Variants in RNPC3 observed in about 807,000 individuals in gnomAD.
RNPC3 encodes the protein RNA binding region (RNP1, RRM) containing 3, also known as RNA-binding region-containing protein 3.
A neutral mutation model predicts 67.5 loss-of-function variants in RNPC3; 48 were observed. The observed-to-expected ratio is 0.71, with a 90% CI of 0.56 to 0.90. RNPC3 has a LOEUF of 0.90. Among genes scored for constraint, RNPC3 ranks in the 40% least tolerant of loss-of-function variants. The pLI is 0.00. For missense variants in RNPC3, 637 were observed against 626.1 expected (o/e 1.02, Z -0.19); for synonymous variants, 239 against 210.3 (o/e 1.14, Z -1.18).
At chr1:103,539,080 C>T (rs1000976450) in intron 7 of RNPC3, among the ~76,000 whole-genome samples, 1 of 152,186 alleles carries the variant, frequency 6.6e-6, no homozygotes, top group African/African-American at 2.4e-5. Context: ...CTTATTCCAA[C>T]TAGACTTTAA....
intron 2 of RNPC3, among the ~76,000 whole-genome samples, chr1:103,533,371 A>G (rs1650907547): frequency 6.6e-6 from 1 of 152,022 alleles, no homozygotes; most frequent in Non-Finnish European, 1.5e-5. Flanking sequence ...GAAAAAATAG[A>G]CTAAGATTGT....
At position 103,545,039 on chromosome 1, in the gene RNPC3, G is replaced by C; in HGVS notation, c.1144G>C (p.Asp382His). ...DITEEIKEDS[D>H]EMPSECISRR... ...CACAGAGGAGATTAAAGAAGACTCT[G>C]ATGAAATGCCTTCAGAATGTATTTC... Residue 382 changes from aspartate to histidine, a missense_variant, in exon 10 of 15, where the codon GAT becomes CAT. By Grantham distance (81) the Asp-to-His change is moderately conservative. Around this residue, in one of 3 missense-constraint regions of RNPC3, gnomAD observed 536 missense variants for 500.3 expected, o/e 1.07. Coordinates refer to ENST00000423855, the MANE Select transcript of RNPC3 (RefSeq NM_017619.4). 1 of 1,534,514 alleles carries C rather than the reference G, an allele frequency of 6.5e-7. No individual in the cohort carries two copies. The highest frequency in any genetic ancestry group is 8.7e-7 in the Non-Finnish European group (1 of 1,145,328).
At chr1:103,543,474 GC>G in intron 9 of RNPC3, 27 bp downstream of exon 9, 1 of 1,390,000 alleles carries the variant, frequency 7.2e-7, no homozygotes, top group Non-Finnish European at 9.4e-7. Flanking sequence ...TATTTCACAT[GC>G]TGAAATCAAC....
chr1:103,526,129 T>A lies in RNPC3; in HGVS notation c.59T>A (p.Leu20His), dbSNP rs1347233523. Residue 20 changes from leucine to histidine, a missense_variant, in exon 1 of 15, where the codon CTT (leucine) becomes CAT (histidine). Leu to His is a moderately conservative substitution (Grantham distance 99). Transcript: ENST00000423855. Reference sequence around the variant, plus strand: ...AGGGGATGCACGAGCTCCTCCTCGCTTTCCCCGCCTCGGGGCGACCGAACC... The same window carrying A: ...AGGGGATGCACGAGCTCCTCCTCGCATTCCCCGCCTCGGGGCGACCGAACC... ...ISRGCTSSSS[L>H]SPPRGDRTLL... 7 of 1,551,230 alleles carry A rather than the reference T, an allele frequency of 4.5e-6. No homozygotes were observed. The highest frequency in any genetic ancestry group is 4.4e-6 in the Non-Finnish European group (5 of 1,146,722).
intron 2 of RNPC3, 107 bp downstream of exon 2, chr1:103,527,849 C>G (rs2101040959): frequency 1.4e-6 from 1 of 733,412 alleles, no homozygotes; most frequent in East Asian, 2.8e-5. Flanking sequence ...CGTTTGTATT[C>G]CAACAGTTTC....
At chr1:103,529,331 G>A (rs547269647) in intron 2 of RNPC3, among the ~76,000 whole-genome samples, 6 of 152,094 alleles carry the variant, frequency 3.9e-5, no homozygotes, top group East Asian at 1.9e-4. Context: ...AATGAAAAAC[G>A]CATTGTTTTA....
chr1:103,529,325 A>G (rs2101041707), intron 2 of RNPC3, among the ~76,000 whole-genome samples: 1 of 152,298 alleles, frequency 6.6e-6, no homozygotes, highest in Admixed American at 6.5e-5. Flanking sequence ...TATGGTAATG[A>G]AAAACGCATT....
intron 2 of RNPC3, among the ~76,000 whole-genome samples, chr1:103,528,979 A>G (rs904917043): frequency 5.3e-5 from 8 of 152,218 alleles, no homozygotes; most frequent in Admixed American, 2.6e-4. Flanking sequence ...CTTAAATCAC[A>G]TTATATCCAT....
chr1:103,531,939 T>G (rs922476706), intron 2 of RNPC3, among the ~76,000 whole-genome samples: 4 of 152,208 alleles, frequency 2.6e-5, no homozygotes, highest in Admixed American at 6.5e-5. Flanking sequence ...TGATGTTATC[T>G]TCTAGAATTT....
At position 103,546,964 on chromosome 1, in the gene RNPC3, A is replaced by T; in HGVS notation, c.1303-13A>T. 7.4e-7 allele frequency: 1 copy of T among 1,345,500 alleles called. No homozygotes were observed. The highest frequency in any genetic ancestry group is 1.0e-6 in the Non-Finnish European group (1 of 991,222). 83.3% of individuals were successfully genotyped at this position (1,345,500 alleles called of 1,614,324 possible). A position where few individuals can be genotyped will look rare whatever the true frequency, so the allele number is the denominator to read the frequency against. On this transcript the variant is annotated splice_polypyrimidine_tract_variant and intron_variant, in intron 11 of 14. Transcript: ENST00000423855. ...TGGCTTTGTTATTTGTCTTTTTCTTATTGAAATTCTAGGACCTTAAATATA... is the reference window on the plus strand; with the variant it reads ...TGGCTTTGTTATTTGTCTTTTTCTTTTTGAAATTCTAGGACCTTAAATATA...
At chr1:103,537,852 A>T (rs1052304984) in intron 7 of RNPC3, among the ~76,000 whole-genome samples, 1 of 151,768 alleles carries the variant, frequency 6.6e-6, no homozygotes, top group African/African-American at 2.4e-5. Context: ...TATTATTATT[A>T]TTATTTTTGA....
At chr1:103,545,504 A>T (rs1245611098) in intron 10 of RNPC3, 1 of 155,414 alleles carries the variant, frequency 6.4e-6, no homozygotes, top group East Asian at 1.9e-4. Flanking sequence ...TGATTTTAGG[A>T]TTTTATATCC....
intron 9 of RNPC3, 46 bp downstream of exon 9, chr1:103,543,493 GT>G: frequency 7.8e-7 from 1 of 1,283,404 alleles, no homozygotes; most frequent in Non-Finnish European, 1.0e-6. Flanking sequence ...AACTTATTGT[GT>G]TAGAATTAAG....
chr1:103,546,230 T>C lies in RNPC3; in HGVS notation c.1208-18T>C, dbSNP rs1651240799. On this transcript the variant is annotated intron_variant, in intron 10 of 14. Transcript: ENST00000423855. ...AAATATTTTAATTTTATATCTTTGTTTTTTGTTTTTTAATAAGAAATGGAA... is the reference window on the plus strand; with the variant it reads ...AAATATTTTAATTTTATATCTTTGTCTTTTGTTTTTTAATAAGAAATGGAA... 3 of 1,185,554 alleles carry C rather than the reference T, an allele frequency of 2.5e-6. No individual in the cohort carries two copies. The African/African-American group carries it at 4.8e-5, about 19-fold the overall frequency. The allele number at this position is 1,185,554 out of a possible 1,614,324, so 73.4% of individuals were successfully genotyped here. A position where few individuals can be genotyped will look rare whatever the true frequency, so the allele number is the denominator to read the frequency against.
At chr1:103,551,192 A>C (rs1651380014) in intron 13 of RNPC3, 119 bp downstream of exon 13, 2 of 799,924 alleles carry the variant, frequency 2.5e-6, no homozygotes, top group Non-Finnish European at 3.9e-6. Flanking sequence ...GTAGATATTC[A>C]TTCGTTACAA....
At chr1:103,547,894 T>C (rs1651284980) in intron 12 of RNPC3, among the ~76,000 whole-genome samples, 1 of 152,150 alleles carries the variant, frequency 6.6e-6, no homozygotes, top group Admixed American at 6.5e-5. Context: ...TCCTCTGAAA[T>C]CCAGGTGGAG....
chr1:103,540,494 G>A (rs1651100041), intron 7 of RNPC3, among the ~76,000 whole-genome samples: 1 of 152,048 alleles, frequency 6.6e-6, no homozygotes, highest in Non-Finnish European at 1.5e-5. Context: ...TTATAAATAT[G>A]GACATATACT....
chr1:103,529,885 T>C (rs1385440310), intron 2 of RNPC3, among the ~76,000 whole-genome samples: 1 of 152,304 alleles, frequency 6.6e-6, no homozygotes, highest in East Asian at 1.9e-4. Flanking sequence ...TTTATCTCTA[T>C]TCAGGGCGAC....
intron 4 of RNPC3, 46 bp downstream of exon 4, chr1:103,534,903 A>G: frequency 1.8e-6 from 2 of 1,141,618 alleles, no homozygotes; most frequent in South Asian, 1.4e-5. Flanking sequence ...TCTGTGTTAT[A>G]TACAGATGTA....
Sources: allele counts gnomAD v4.1 joint callset (sites outside exome capture counted in the v4.1 genomes callset), GRCh38; gene constraint gnomAD v4.1.1; regional missense constraint gnomAD v4.1.1; transcripts MANE v1.5; gene names NCBI Gene and HGNC (gene_info 2026-07-23, HGNC 2026-07-21).